Variants in ITGA9 observed in about 807,000 individuals in gnomAD.
The protein encoded by ITGA9 is integrin subunit alpha 9.
A neutral mutation model predicts 127.8 loss-of-function variants in ITGA9; 56 were observed. That is an observed-to-expected ratio of 0.44 (90% CI 0.35 to 0.55). The LOEUF (loss-of-function observed/expected upper bound fraction) is 0.55. Ranked by LOEUF, ITGA9 falls within the 20% of genes least tolerant of loss-of-function variation. The pLI is 0.00. For missense variants in ITGA9, 1,196 were observed against 1,347.1 expected, an observed-to-expected ratio of 0.89 and a Z score of 1.76; for synonymous variants, 508 against 514.5, an observed-to-expected ratio of 0.99 and a Z score of 0.17.
intron 26 of ITGA9, chr3:37,789,979 A>G: frequency 3.1e-6 from 2 of 637,916 alleles, no homozygotes; most frequent in Admixed American, 4.9e-5. Context: ...AAAAGTAACA[A>G]AATATTTAAG....
At chr3:37,670,087 A>G (rs1451414491) in intron 17 of ITGA9, among the ~76,000 whole-genome samples, 2 of 151,990 alleles carry the variant, frequency 1.3e-5, no homozygotes, top group Middle Eastern at 3.4e-3. Flanking sequence ...TTTCCAAGAA[A>G]AAAAAGAAAT....
At chr3:37,715,406 T>G (rs899867371) in intron 18 of ITGA9, among the ~76,000 whole-genome samples, 6 of 152,146 alleles carry the variant, frequency 3.9e-5, no homozygotes, top group Non-Finnish European at 7.4e-5. Flanking sequence ...CATTGTGCAA[T>G]GACAATTTGA....
chr3:37,473,398 C>G lies in ITGA9; in HGVS notation c.358C>G (p.Arg120Gly), dbSNP rs375600188. The change falls in exon 3 of 28, where the codon CGC becomes GGC. Residue 120 changes from arginine (R) to glycine (G), a missense_variant. Transcript: ENST00000264741. Reference protein sequence around the residue: ...TSCGKTCREDRDDEWMGVSLA... With the variant: ...TSCGKTCREDGDDEWMGVSLA... ...CTGCGGAAAGACCTGCCGGGAAGAC[C>G]GCGATGATGAGTGGATGGGGGTGAG... 1.9e-6 allele frequency: 3 copies of G among 1,613,926 alleles called. No individual in the cohort carries two copies. Among genetic ancestry groups the G allele is most frequent in the Non-Finnish European group, 2.5e-6 (3 of 1,180,010 alleles).
At chr3:37,472,902 G>A (rs1579047575) in intron 2 of ITGA9, among the ~76,000 whole-genome samples, 1 of 151,796 alleles carries the variant, frequency 6.6e-6, no homozygotes, top group East Asian at 2.0e-4. Context: ...ACTTCGGGAG[G>A]TTGGGGTGGG....
At chr3:37,649,174 A>G (rs1017209818) in intron 16 of ITGA9, among the ~76,000 whole-genome samples, 1 of 152,052 alleles carries the variant, frequency 6.6e-6, no homozygotes, top group African/African-American at 2.4e-5. Context: ...GAGGGACAAA[A>G]GAACAAGACA....
At chr3:37,735,864 C>T (rs2125530241) in intron 19 of ITGA9, among the ~76,000 whole-genome samples, 1 of 152,306 alleles carries the variant, frequency 6.6e-6, no homozygotes, top group South Asian at 2.1e-4. Flanking sequence ...AACAGTGACC[C>T]TTTTCACCTT....
At chr3:37,566,438 C>T (rs1699547840) in intron 15 of ITGA9, among the ~76,000 whole-genome samples, 2 of 152,204 alleles carry the variant, frequency 1.3e-5, no homozygotes, top group South Asian at 2.1e-4. Flanking sequence ...GTACCCTTTA[C>T]CCGGCTTTTC....
rs754511363 is a variant in ITGA9, at chr3:37,452,490, A to C, written c.116A>C (p.His39Pro). The C allele has an allele frequency of 1.1e-5, 17 of 1,516,894 alleles. No homozygotes were observed. In the South Asian group the frequency reaches 2.1e-4, roughly 19 times the overall value. 94.0% of individuals were successfully genotyped at this position (1,516,894 alleles called of 1,614,324 possible). A position where few individuals can be genotyped will look rare whatever the true frequency, so the allele number is the denominator to read the frequency against. Residue 39 changes from histidine (H) to proline (P), a missense_variant, in exon 1 of 28, where the codon CAC becomes CCC. Physicochemically the swap from His to Pro is moderately conservative, Grantham distance 77. Coordinates refer to ENST00000264741, the MANE Select transcript of ITGA9 (RefSeq NM_002207.3). The surrounding 1 kb of genome is among the most constrained non-coding windows in gnomAD (Gnocchi z 7.3). ...AYNLDPQRPV[H>P]FQGPADSFFG... ...AACCTCGACCCGCAGCGCCCCGTGC[A>C]CTTCCAGGGCCCCGCTGACTCGTTC... is the stretch of plus-strand genomic sequence containing the variant.
At chr3:37,573,573 A>T (rs1699623017) in intron 15 of ITGA9, among the ~76,000 whole-genome samples, 1 of 152,040 alleles carries the variant, frequency 6.6e-6, no homozygotes, top group Non-Finnish European at 1.5e-5. Context: ...GTCATCCAGA[A>T]CACCTACGTG....
At chr3:37,504,968 C>T (rs1382179505) in intron 6 of ITGA9, among the ~76,000 whole-genome samples, 1 of 152,230 alleles carries the variant, frequency 6.6e-6, no homozygotes, top group Non-Finnish European at 1.5e-5. Context: ...TAGCAAGGCT[C>T]TCAGAAAGCA....
chr3:37,497,517 A>G (rs1698743658), intron 5 of ITGA9, among the ~76,000 whole-genome samples: 1 of 152,158 alleles, frequency 6.6e-6, no homozygotes, highest in African/African-American at 2.4e-5. Context: ...TAGCACTTTC[A>G]TAGGTTGTTT....
intron 15 of ITGA9, among the ~76,000 whole-genome samples, chr3:37,565,686 A>C (rs1699539398): frequency 6.6e-6 from 1 of 152,194 alleles, no homozygotes; most frequent in Non-Finnish European, 1.5e-5. Flanking sequence ...GGTGAAAGTG[A>C]TACATCTTAT....
intron 15 of ITGA9, among the ~76,000 whole-genome samples, chr3:37,627,131 C>G (rs1264514083): frequency 6.6e-6 from 1 of 152,178 alleles, no homozygotes; most frequent in African/African-American, 2.4e-5. Flanking sequence ...AACAATTTGT[C>G]CAAAGGCTCC....
At chr3:37,595,688 C>T (rs1031953922) in intron 15 of ITGA9, among the ~76,000 whole-genome samples, 3 of 152,164 alleles carry the variant, frequency 2.0e-5, no homozygotes, top group Non-Finnish European at 4.4e-5. Context: ...CCTTTCCCGG[C>T]GTGGTGTTTG....
chr3:37,512,116 C>CCTT (rs1175315746), intron 8 of ITGA9, among the ~76,000 whole-genome samples: 9 of 66,280 alleles, frequency 1.4e-4, no homozygotes, highest in Non-Finnish European at 1.5e-4. Context: ...TTCCTTCCTT[C>CCTT]CTTCTTTCTT....
At chr3:37,617,207 C>T (rs550240890) in intron 15 of ITGA9, among the ~76,000 whole-genome samples, 25 of 152,288 alleles carry the variant, frequency 1.6e-4, no homozygotes, top group Admixed American at 1.4e-3. Flanking sequence ...GATTTTATTT[C>T]TCCTTCACTT....
chr3:37,458,818 C>G (rs928099763), intron 1 of ITGA9, among the ~76,000 whole-genome samples: 1 of 152,186 alleles, frequency 6.6e-6, no homozygotes, highest in Non-Finnish European at 1.5e-5. Flanking sequence ...ATCTTGCCAC[C>G]AGCTGACTCA....
intron 9 of ITGA9, 85 bp downstream of exon 9, chr3:37,513,985 C>T (rs555137821): frequency 7.2e-5 from 110 of 1,531,294 alleles, no homozygotes; most frequent in Non-Finnish European, 9.0e-5. Flanking sequence ...CCCTCTGGGC[C>T]GGCACTGGGG....
intron 13 of ITGA9, among the ~76,000 whole-genome samples, chr3:37,527,929 G>T (rs1699110272): frequency 6.6e-6 from 1 of 152,110 alleles, no homozygotes; most frequent in Admixed American, 6.6e-5. Flanking sequence ...GGGATCACAG[G>T]TGCACACCAC....
Sources: allele counts gnomAD v4.1 joint callset (sites outside exome capture counted in the v4.1 genomes callset), GRCh38; gene constraint gnomAD v4.1.1; non-coding constraint Gnocchi (gnomAD v3.1); transcripts MANE v1.5; gene names NCBI Gene and HGNC (gene_info 2026-07-23, HGNC 2026-07-21).